The following SQSTM1 variants were observed in gnomAD, a reference collection of about 807,000 sequenced individuals.
The protein encoded by SQSTM1 is sequestosome-1.
In SQSTM1, 36 loss-of-function variants were observed where a neutral mutation model predicts 45.1. That is an observed-to-expected ratio of 0.80 (90% confidence interval 0.61 to 1.05). SQSTM1 has a LOEUF of 1.05. Among genes scored for constraint, SQSTM1 ranks in the 50% least tolerant of loss-of-function variants. The probability of loss-of-function intolerance (pLI) is 0.00; values close to 1 mark genes in which losing one functional copy is unlikely to be tolerated. For synonymous variants in SQSTM1, 290 were observed against 244.3 expected, an observed-to-expected ratio of 1.19 and a Z score of -1.74; for missense variants, 617 against 607.1, an observed-to-expected ratio of 1.02 and a Z score of -0.17.
upstream of SQSTM1, among the ~76,000 whole-genome samples, chr5:179,819,585 G>A (rs1269044344): frequency 6.6e-6 from 1 of 152,226 alleles, no homozygotes; most frequent in Admixed American, 6.5e-5. Context: ...CGCCTGGGCT[G>A]CTGAGTCACG....
At chr5:179,820,799 C>A (rs1460452140), upstream of SQSTM1, 2 of 829,540 alleles carry the variant, frequency 2.4e-6, no homozygotes, top group Non-Finnish European at 3.4e-6. Flanking sequence ...TCTCGCGCCG[C>A]GACGACGGTG....
chr5:179,816,714 G>A (rs962561939), upstream of SQSTM1, among the ~76,000 whole-genome samples: 3 of 152,144 alleles, frequency 2.0e-5, no homozygotes, highest in Non-Finnish European at 4.4e-5. Context: ...TCCCGTCTTC[G>A]ATGGGCTTGG....
In SQSTM1 at chr5:179,806,693, C is replaced by A. The variant is rs1391794617; in HGVS notation, c.-157+102C>A. 9.9e-6 allele frequency: 3 copies of A among 301,844 alleles called. No homozygotes were observed. Among genetic ancestry groups the A allele is most frequent in the Non-Finnish European group, 1.4e-5 (3 of 208,986 alleles). The allele number at this position is 301,844 out of a possible 1,614,324, so 18.7% of individuals were successfully genotyped here. Reference sequence around the variant, plus strand: ...GCGGCGGCGGCGGCAGGGGCCCCGGCCCCGGGTCGGGGAGGGGCGGGGGGC... The same window carrying A: ...GCGGCGGCGGCGGCAGGGGCCCCGGACCCGGGTCGGGGAGGGGCGGGGGGC... On this transcript the variant is annotated intron_variant, in intron 1 of 5. Coordinates refer to the SQSTM1 transcript ENST00000514093. This position sits in a 1 kb window ranked among gnomAD's most constrained non-coding sequence, Gnocchi z 4.6.
intron 5 of SQSTM1, among the ~76,000 whole-genome samples, chr5:179,828,927 C>T (rs537162304): frequency 4.6e-5 from 7 of 152,122 alleles, no homozygotes; most frequent in African/African-American, 1.4e-4. Flanking sequence ...CTGAGGGAAG[C>T]TTCAGAAATC....
rs138527258 is a variant in SQSTM1 at position 179,836,606 on chromosome 5, A to ACCTCTTCTGCGTGCC, written c.*23_*37dup. On this transcript the variant is annotated 3_prime_UTR_variant, in exon 8 of 8. Transcript: ENST00000389805. Reference sequence around the variant, plus strand: ...CCCGCCGTTGTGACCACTTTTGCCCACCTCTTCTGCGTGCCCCTCTTCTGT... The same window carrying ACCTCTTCTGCGTGCC: ...CCCGCCGTTGTGACCACTTTTGCCCACCTCTTCTGCGTGCCCCTCTTCTGCGTGCCCCTCTTCTGT... The ACCTCTTCTGCGTGCC allele has an allele frequency of 1.2e-6, 2 of 1,613,822 alleles. No individual in the cohort carries two copies. Among genetic ancestry groups the ACCTCTTCTGCGTGCC allele is most frequent in the South Asian group, 1.1e-5 (1 of 91,080 alleles).
intron 7 of SQSTM1, among the ~76,000 whole-genome samples, chr5:179,834,564 T>TCCGCAG (rs1167542833): frequency 1.3e-5 from 2 of 148,880 alleles, no homozygotes; most frequent in African/African-American, 4.9e-5. Context: ...CCTGCGGCCT[T>TCCGCAG]CCGCAGCGTT....
chr5:179,830,909 C>T (rs188452768), intron 5 of SQSTM1, among the ~76,000 whole-genome samples: 121 of 152,122 alleles, frequency 8.0e-4, no homozygotes, highest in Non-Finnish European at 1.5e-3. Flanking sequence ...TGCCATGCTG[C>T]CCAGGCCGAT....
intron 1 of SQSTM1, among the ~76,000 whole-genome samples, chr5:179,810,250 T>A (rs1757356893): frequency 6.6e-6 from 1 of 152,186 alleles, no homozygotes; most frequent in African/African-American, 2.4e-5. Flanking sequence ...ATATATCTCC[T>A]AATGCTATCC....
At chr5:179,826,394 T>A (rs1757988673) in intron 5 of SQSTM1, among the ~76,000 whole-genome samples, 1 of 151,992 alleles carries the variant, frequency 6.6e-6, no homozygotes, top group Non-Finnish European at 1.5e-5. Context: ...CTTGAACTTC[T>A]GACCTCAGGT....
Position 179,837,380 on chromosome 5 carries a change from C to A in SQSTM1, c.*787C>A. 1 of 1,583,496 alleles carries A rather than the reference C, an allele frequency of 6.3e-7. No individual in the cohort carries two copies. The highest frequency in any genetic ancestry group is 8.6e-7 in the Non-Finnish European group (1 of 1,163,526). The stretch of plus-strand genomic sequence containing the variant: ...CAAGTGTATCTCGATTAATAACCTG[C>A]CAGTCCCAGATCACACATCATCATC... On this transcript the variant is annotated 3_prime_UTR_variant, in exon 8 of 8. Coordinates refer to ENST00000389805, the MANE Select transcript of SQSTM1 (RefSeq NM_003900.5).
chr5:179,808,279 G>C (rs886294094), intron 1 of SQSTM1: 3 of 152,340 alleles, frequency 2.0e-5, no homozygotes, highest in Admixed American at 1.3e-4. Flanking sequence ...ATGCCAAGAA[G>C]GGGGTGGCCG....
intron 5 of SQSTM1, among the ~76,000 whole-genome samples, chr5:179,832,062 C>T (rs527716427): frequency 2.0e-5 from 3 of 152,270 alleles, no homozygotes; most frequent in South Asian, 2.1e-4. Context: ...GGATTACAGG[C>T]GTGAGCCACT....
rs930271144 is a variant in SQSTM1, at chr5:179,812,020, G to A, written c.-48+338G>A. 9.2e-5 allele frequency: 14 copies of A among 152,192 alleles called. 1 individual carries two copies. Among genetic ancestry groups the A allele is most frequent in the East Asian group, 7.7e-4 (4 of 5,182 alleles). 9.4% of individuals were successfully genotyped at this position (152,192 alleles called of 1,614,324 possible). A position where few individuals can be genotyped will look rare whatever the true frequency, so the allele number is the denominator to read the frequency against. On this transcript the variant is annotated intron_variant, in intron 2 of 5. Transcript: ENST00000514093. ...GGGGTTTCACCGTGTTAGCCAGGAT[G>A]GTCTCGATCTCCTGACTTCATGATC...
chr5:179,806,665 G>C lies in SQSTM1; in HGVS notation c.-157+74G>C. On this transcript the variant is annotated intron_variant, in intron 1 of 5. Transcript: ENST00000514093. This position sits in a 1 kb window ranked among gnomAD's most constrained non-coding sequence, Gnocchi z 4.6. ...GGGGCCGGGGCGCAGGGGTCGGAAG[G>C]CGGCGGCGGCGGCGGCAGGGGCCCC... 1 of 605,346 alleles carries C rather than the reference G, an allele frequency of 1.7e-6. No homozygotes were observed. Among genetic ancestry groups the C allele is most frequent in the African/African-American group, 2.0e-5 (1 of 49,004 alleles). 37.5% of individuals were successfully genotyped at this position (605,346 alleles called of 1,614,324 possible). A position where few individuals can be genotyped will look rare whatever the true frequency, so the allele number is the denominator to read the frequency against.
intron 1 of SQSTM1, among the ~76,000 whole-genome samples, chr5:179,809,186 T>A (rs1289093133): frequency 6.8e-5 from 9 of 131,782 alleles, no homozygotes; most frequent in African/African-American, 2.6e-4. Flanking sequence ...TAAGACGGAG[T>A]CTCGGTCTGT....
Position 179,836,805 on chromosome 5 carries a change from C to G in SQSTM1, c.*212C>G. On this transcript the variant is annotated 3_prime_UTR_variant, in exon 8 of 8. Coordinates refer to ENST00000389805, the MANE Select transcript of SQSTM1 (RefSeq NM_003900.5). ...TGCTGATGTTTCCTGGGTGCCCTGG[C>G]TCCTTGCAGCAGGGCTGGGCCTGCG... 1 of 762,190 alleles carries G rather than the reference C, an allele frequency of 1.3e-6. No homozygotes were observed. The highest frequency in any genetic ancestry group is 2.2e-6 in the Non-Finnish European group (1 of 456,698). 47.2% of individuals were successfully genotyped at this position (762,190 alleles called of 1,614,324 possible).
chr5:179,806,966 G>GCCTGGATCTGGGA lies in SQSTM1; in HGVS notation c.-157+377_-157+378insTGGATCTGGGACC, dbSNP rs751169837. The GCCTGGATCTGGGA allele has an allele frequency of 9.5e-3, 1,431 of 151,018 alleles. 17 individuals are homozygous for GCCTGGATCTGGGA. Among genetic ancestry groups the GCCTGGATCTGGGA allele is most frequent in the Non-Finnish European group, 0.017 (1,120 of 67,602 alleles). The allele number at this position is 151,018 out of a possible 1,614,324, so 9.4% of individuals were successfully genotyped here. On this transcript the variant is annotated intron_variant, in intron 1 of 5. Coordinates refer to the SQSTM1 transcript ENST00000514093. The surrounding 1 kb of genome is among the most constrained non-coding windows in gnomAD (Gnocchi z 4.6). Reference sequence around the variant, plus strand: ...CCTGGATCTGGGGCCTGGATCTGGGGCCGCCGCGGAGTCGACGGCGCAGGG... The same window carrying GCCTGGATCTGGGA: ...CCTGGATCTGGGGCCTGGATCTGGGGCCTGGATCTGGGACCGCCGCGGAGTCGACGGCGCAGGG...
chr5:179,822,845 GTT>G (rs1331812276), intron 1 of SQSTM1, 111 bp from the exon 2 acceptor site: 1 of 893,910 alleles, frequency 1.1e-6, no homozygotes, highest in Admixed American at 1.9e-5. Flanking sequence ...AAGTAGGTGT[GTT>G]TGTTTATAGC....
intron 2 of SQSTM1, chr5:179,823,580 G>A (rs1421390656): frequency 3.8e-6 from 2 of 526,658 alleles, no homozygotes; most frequent in Non-Finnish European, 6.8e-6. Context: ...ATGGGGTCTG[G>A]TGCCGTGGCG....
Sources: allele counts gnomAD v4.1 joint callset (sites outside exome capture counted in the v4.1 genomes callset), GRCh38; gene constraint gnomAD v4.1.1; non-coding constraint Gnocchi (gnomAD v3.1); transcripts MANE v1.5; gene names NCBI Gene and HGNC (gene_info 2026-07-23, HGNC 2026-07-21).